Variants in CALN1 observed in about 807,000 individuals in gnomAD.
CALN1 encodes calcium-binding protein 8.
A neutral mutation model predicts 30.6 loss-of-function variants in CALN1; 17 were observed. The observed-to-expected ratio is 0.56, with a 90% CI of 0.38 to 0.83. The LOEUF (loss-of-function observed/expected upper bound fraction) is 0.83. CALN1 is among the 40% of genes least tolerant of loss of function. The pLI is 0.00. For missense variants in CALN1, 291 were observed against 354.9 expected (o/e 0.82, Z 1.45); for synonymous variants, 156 against 131.4 (o/e 1.19, Z -1.28).
chr7:71,814,592 T>A (rs1562803615), intron 5 of CALN1, among the ~76,000 whole-genome samples: 1 of 152,154 alleles, frequency 6.6e-6, no homozygotes, highest in African/African-American at 2.4e-5. Flanking sequence ...CACTTATATG[T>A]GGATTTCCTT....
At chr7:72,463,078 G>T in the CALN1 span, among the ~76,000 whole-genome samples, 6 of 152,162 alleles carry the variant, frequency 3.9e-5, no homozygotes, top group Admixed American at 1.3e-4. Context: ...TTCAGGTGTG[G>T]ACACTGAGGC....
At position 72,358,949 on chromosome 7, in the gene CALN1, G is replaced by A. The variant is rs6959681; in HGVS notation, c.119+44302C>T. ...CTCCAGCTCCAGCCTGGCTGACAAG[G>A]TGAGACTCTACCTCAAAAAAAAAAA... On this transcript the variant is annotated intron_variant, in intron 2 of 6. Transcript: ENST00000395275. Among the ~76,000 whole-genome samples, 667 of 148,868 alleles carry A rather than the reference G, an allele frequency of 4.5e-3. 4 individuals are homozygous for A. Among genetic ancestry groups the A allele is most frequent in the African/African-American group, 0.016 (632 of 39,698 alleles).
intron 4 of CALN1, among the ~76,000 whole-genome samples, chr7:72,078,242 T>C (rs2129538495): frequency 6.6e-6 from 1 of 152,278 alleles, no homozygotes; most frequent in East Asian, 1.9e-4. Context: ...GGTATCCTCA[T>C]AGAGTGGTTT....
chr7:72,059,052 A>C (rs1334481155), intron 4 of CALN1, among the ~76,000 whole-genome samples: 1 of 152,204 alleles, frequency 6.6e-6, no homozygotes, highest in Non-Finnish European at 1.5e-5. Flanking sequence ...TTAAACTAAA[A>C]CTTTAGAAAT....
At chr7:71,917,769 C>T (rs565179941) in intron 5 of CALN1, among the ~76,000 whole-genome samples, 4 of 152,242 alleles carry the variant, frequency 2.6e-5, no homozygotes, top group East Asian at 1.9e-4. Flanking sequence ...CCACCCTTGA[C>T]GTGTGGGGAT....
chr7:72,209,148 TCC>T (rs1225293584), intron 3 of CALN1, among the ~76,000 whole-genome samples: 30 of 128,920 alleles, frequency 2.3e-4, no homozygotes, highest in African/African-American at 7.2e-4. Flanking sequence ...TTTCATTCCT[TCC>T]CCCCTTCTCC....
chr7:72,291,507 C>T (rs1304187785), intron 2 of CALN1, among the ~76,000 whole-genome samples: 2 of 152,224 alleles, frequency 1.3e-5, no homozygotes. Context: ...ACTTAGAAGC[C>T]TGCACCACAC....
chr7:72,285,551 A>T (rs1798029612), intron 2 of CALN1, among the ~76,000 whole-genome samples: 1 of 152,176 alleles, frequency 6.6e-6, no homozygotes, highest in Non-Finnish European at 1.5e-5. Flanking sequence ...CTCTTACTGT[A>T]CTTTTTTAAA....
Position 72,321,930 on chromosome 7 carries a change from T to C in CALN1, c.120-43120A>G, listed in dbSNP as rs1800908331. Reference sequence around the variant, plus strand: ...TCCTCCACCACAAAACACAGTGGTTTAGACCAGCTGTCCCCAACATTTTTG... The same window carrying C: ...TCCTCCACCACAAAACACAGTGGTTCAGACCAGCTGTCCCCAACATTTTTG... On this transcript the variant is annotated intron_variant, in intron 2 of 6. Transcript: ENST00000395275. Among the ~76,000 whole-genome samples the C allele has an allele frequency of 2.6e-5, 4 of 152,322 alleles. No homozygotes were observed. In the South Asian group the frequency reaches 8.3e-4, roughly 32 times the overall value.
chr7:71,970,859 G>C (rs568016253), intron 5 of CALN1, among the ~76,000 whole-genome samples: 3 of 152,224 alleles, frequency 2.0e-5, no homozygotes, highest in Non-Finnish European at 4.4e-5. Flanking sequence ...AAACCACTTT[G>C]ATCAGCACCA....
At chr7:72,154,062 T>C (rs1456574037) in intron 3 of CALN1, among the ~76,000 whole-genome samples, 1 of 152,050 alleles carries the variant, frequency 6.6e-6, no homozygotes, top group African/African-American at 2.4e-5. Context: ...CATGATGAGA[T>C]GTCCCTGCAA....
At chr7:72,159,327 C>T (rs1787939844) in intron 3 of CALN1, among the ~76,000 whole-genome samples, 1 of 152,106 alleles carries the variant, frequency 6.6e-6, no homozygotes, top group Non-Finnish European at 1.5e-5. Context: ...TAGCAAGACC[C>T]CATCTCAAAA....
At chr7:72,089,533 GT>G (rs1222198694) in intron 4 of CALN1, among the ~76,000 whole-genome samples, 3 of 152,068 alleles carry the variant, frequency 2.0e-5, no homozygotes, top group Non-Finnish European at 4.4e-5. Context: ...TTGGGTAAAA[GT>G]TTCACCCCTA....
the CALN1 span, among the ~76,000 whole-genome samples, chr7:72,484,538 G>GC: frequency 6.7e-6 from 1 of 150,368 alleles, no homozygotes; most frequent in Non-Finnish European, 1.5e-5. Context: ...CCCACCGCCC[G>GC]CCCCCGCGTA....
chr7:72,265,485 T>C (rs1390522212), intron 3 of CALN1, among the ~76,000 whole-genome samples: 1 of 152,164 alleles, frequency 6.6e-6, no homozygotes, highest in African/African-American at 2.4e-5. Context: ...CAAACTCCCT[T>C]CAGCATCCAG....
intron 5 of CALN1, among the ~76,000 whole-genome samples, chr7:71,947,949 G>T (rs1177145819): frequency 8.2e-6 from 1 of 121,312 alleles, no homozygotes; most frequent in South Asian, 2.7e-4. Context: ...AAAAAAAAAA[G>T]AAAGATGTGG....
chr7:72,169,951 C>T (rs1221007665), intron 3 of CALN1, among the ~76,000 whole-genome samples: 1 of 151,892 alleles, frequency 6.6e-6, no homozygotes. Flanking sequence ...CCTTGGCCTC[C>T]CGAAGTGCTG....
intron 2 of CALN1, among the ~76,000 whole-genome samples, chr7:72,389,022 C>A (rs1356518464): frequency 6.6e-6 from 1 of 152,214 alleles, no homozygotes; most frequent in Non-Finnish European, 1.5e-5. Flanking sequence ...TGGAAACACC[C>A]TGGCATCCAG....
At chr7:72,486,148 A>T in the CALN1 span, among the ~76,000 whole-genome samples, 7 of 152,168 alleles carry the variant, frequency 4.6e-5, no homozygotes, top group East Asian at 1.4e-3. Flanking sequence ...ACTGCTGGCA[A>T]CGGTAAAACA....
Sources: gnomAD v4.1 joint callset for allele counts (sites outside exome capture counted in the v4.1 genomes callset) on GRCh38, gnomAD v4.1.1 for gene constraint, MANE v1.5 for transcripts, NCBI Gene and HGNC (gene_info 2026-07-23, HGNC 2026-07-21) for gene names.